The following TLN2 variants were observed in gnomAD, a reference collection of about 807,000 sequenced individuals.
TLN2 encodes talin 2.
Under a neutral mutation model 294.7 loss-of-function variants are expected in TLN2, and 118 were observed. The ratio of observed to expected loss-of-function variants is 0.40; its 90% CI spans 0.34 to 0.47. The LOEUF (loss-of-function observed/expected upper bound fraction) is 0.47, where lower values mean the gene tolerates loss of function less well. Ranked by LOEUF, TLN2 falls within the 20% of genes least tolerant of loss-of-function variation. The probability of loss-of-function intolerance (pLI) is 0.84; values close to 1 mark genes in which losing one functional copy is unlikely to be tolerated. For missense variants in TLN2, 3,083 were observed against 3,282.2 expected, an observed-to-expected ratio of 0.94 and a Z score of 1.48; for synonymous variants, 1,431 against 1,304.5, an observed-to-expected ratio of 1.10 and a Z score of -2.09.
chr15:62,491,343 TATATATATACACACACAC>T (rs1281363940), intron 1 of TLN2, among the ~76,000 whole-genome samples: 85 of 113,586 alleles, frequency 7.5e-4, no homozygotes, highest in African/African-American at 2.9e-3. Context: ...AAAAAATATA[TATATATATACACACACAC>T]ACACACACAC....
At chr15:62,572,779 C>T (rs1437203771) in intron 1 of TLN2, among the ~76,000 whole-genome samples, 1 of 145,312 alleles carries the variant, frequency 6.9e-6, no homozygotes, top group African/African-American at 2.5e-5. Context: ...CCTCTCACAC[C>T]CCCACTGACC....
intron 28 of TLN2, among the ~76,000 whole-genome samples, chr15:62,729,602 C>G (rs2060611299): frequency 1.3e-5 from 2 of 151,978 alleles, no homozygotes; most frequent in Non-Finnish European, 2.9e-5. Flanking sequence ...CATTCTTTTA[C>G]TTTCAATTTT....
chr15:62,527,981 T>C (rs1287392150), intron 1 of TLN2, among the ~76,000 whole-genome samples: 1 of 152,224 alleles, frequency 6.6e-6, no homozygotes, highest in African/African-American at 2.4e-5. Context: ...AAAAATACTT[T>C]AAAAAATCAC....
intron 2 of TLN2, among the ~76,000 whole-genome samples, chr15:62,614,619 A>G (rs1433720225): frequency 2.0e-5 from 3 of 152,210 alleles, no homozygotes; most frequent in Non-Finnish European, 4.4e-5. Context: ...TTTTGACATG[A>G]ATAGACTTAT....
intron 1 of TLN2, among the ~76,000 whole-genome samples, chr15:62,557,387 A>G (rs1394527669): frequency 1.3e-5 from 2 of 152,216 alleles, no homozygotes; most frequent in Admixed American, 6.5e-5. Flanking sequence ...CGTACCAAAT[A>G]TAAAAGAGGA....
chr15:62,418,218 T>A (rs1339501708), intron 1 of TLN2, among the ~76,000 whole-genome samples: 1 of 152,182 alleles, frequency 6.6e-6, no homozygotes, highest in Non-Finnish European at 1.5e-5. Flanking sequence ...TCTGGGAATC[T>A]GCCTCCCCCG....
chr15:62,513,041 A>G (rs1030141860), intron 1 of TLN2, among the ~76,000 whole-genome samples: 1 of 151,986 alleles, frequency 6.6e-6, no homozygotes, highest in African/African-American at 2.4e-5. Context: ...CCTGACCTCT[A>G]ATCTCTCAAT....
At chr15:62,496,828 A>G (rs1463007265) in intron 1 of TLN2, among the ~76,000 whole-genome samples, 1 of 152,216 alleles carries the variant, frequency 6.6e-6, no homozygotes, top group Non-Finnish European at 1.5e-5. Flanking sequence ...TGTCCATTAT[A>G]CACACATCAA....
intron 1 of TLN2, among the ~76,000 whole-genome samples, chr15:62,512,202 G>A (rs548843601): frequency 2.0e-5 from 3 of 152,166 alleles, no homozygotes; most frequent in African/African-American, 4.8e-5. Flanking sequence ...GCATCTTTTT[G>A]TGTGGTTTGG....
chr15:62,529,561 TAA>T (rs11312497), intron 1 of TLN2, among the ~76,000 whole-genome samples: 30,104 of 134,992 alleles, frequency 0.22, 3,418 homozygotes, highest in African/African-American at 0.27. Context: ...CTTAAAAGCT[TAA>T]AAAAAAAAAA....
chr15:62,821,557 T>C (rs1211109280), intron 54 of TLN2, among the ~76,000 whole-genome samples: 1 of 152,190 alleles, frequency 6.6e-6, no homozygotes, highest in Non-Finnish European at 1.5e-5. Flanking sequence ...GCCAGTGTAG[T>C]GTATGAAATA....
intron 1 of TLN2, among the ~76,000 whole-genome samples, chr15:62,417,142 A>T (rs2034130440): frequency 6.6e-6 from 1 of 152,146 alleles, no homozygotes; most frequent in Non-Finnish European, 1.5e-5. Flanking sequence ...TCCCCAAGGC[A>T]TGAAGGTCTC....
chr15:62,769,736 T>A (rs902160134), intron 41 of TLN2, among the ~76,000 whole-genome samples: 4 of 151,500 alleles, frequency 2.6e-5, no homozygotes, highest in African/African-American at 9.7e-5. Flanking sequence ...CCCACAACAC[T>A]CATTCTTCTA....
intron 3 of TLN2, among the ~76,000 whole-genome samples, 134 bp downstream of exon 3, chr15:62,618,609 C>A (rs776538843): frequency 6.6e-6 from 1 of 152,204 alleles, no homozygotes; most frequent in African/African-American, 2.4e-5. Context: ...CTCTGTCCAT[C>A]CCCTGGAGGA....
rs1172938191 is a variant in TLN2, at chr15:62,833,563, T to A, written c.7062T>A (p.Ala2354=). The A allele has an allele frequency of 2.5e-6, 4 of 1,614,210 alleles. No homozygotes were observed. Among genetic ancestry groups the A allele is most frequent in the Non-Finnish European group, 3.4e-6 (4 of 1,180,032 alleles). ...EQILEAAKSI[A]AATSALVKSA... is the part of the protein sequence containing the mutation. ...TCTTGGAAGCTGCTAAATCCATTGC[T>A]GCTGCCACAAGCGCCCTGGTCAAAT... is the stretch of plus-strand genomic sequence containing the variant. The change falls in exon 55 of 59, where the codon GCT becomes GCA. Residue 2354 remains alanine, a synonymous_variant. Transcript: ENST00000636159.
intron 16 of TLN2, among the ~76,000 whole-genome samples, chr15:62,700,716 C>G (rs1008580856): frequency 6.6e-6 from 1 of 152,142 alleles, no homozygotes; most frequent in Non-Finnish European, 1.5e-5. Flanking sequence ...CACCCTGCAC[C>G]CTGCAAAGCA....
intron 1 of TLN2, among the ~76,000 whole-genome samples, chr15:62,502,946 T>C (rs1369176267): frequency 6.6e-6 from 1 of 152,188 alleles, no homozygotes; most frequent in African/African-American, 2.4e-5. Flanking sequence ...AAAACAGCTT[T>C]GTGAAGCCTG....
At chr15:62,479,433 C>G (rs749336365) in intron 1 of TLN2, among the ~76,000 whole-genome samples, 1 of 152,196 alleles carries the variant, frequency 6.6e-6, no homozygotes, top group South Asian at 2.1e-4. Context: ...CTGATCCCCT[C>G]TAATCAAGCA....
intron 1 of TLN2, among the ~76,000 whole-genome samples, chr15:62,532,248 G>T (rs538471043): frequency 2.7e-4 from 41 of 151,644 alleles, no homozygotes; most frequent in African/African-American, 5.8e-4. Context: ...GGGTTTCTTG[G>T]TTTTTTTGTT....
Sources: gnomAD v4.1 joint callset for allele counts (sites outside exome capture counted in the v4.1 genomes callset) on GRCh38, gnomAD v4.1.1 for gene constraint, MANE v1.5 for transcripts, NCBI Gene and HGNC (gene_info 2026-07-23, HGNC 2026-07-21) for gene names.